Variants in SMIM22 observed in about 807,000 individuals in gnomAD.
SMIM22 encodes small integral membrane protein 22, also known as cancer associated small integral membrane open reading frame 1.
In SMIM22, 16 loss-of-function variants were observed where a neutral mutation model predicts 8.4. The ratio of observed to expected loss-of-function variants is 1.90; its 90% CI spans 1.29 to 2.89. The LOEUF (loss-of-function observed/expected upper bound fraction) is 2.89, where lower values mean the gene tolerates loss of function less well. SMIM22 is among the 30% of genes most tolerant of loss of function. The pLI, the probability that SMIM22 is intolerant of heterozygous loss-of-function variation, is 0.00. For synonymous variants in SMIM22, 67 were observed against 47.6 expected, an observed-to-expected ratio of 1.41 and a Z score of -1.68; for missense variants, 159 against 107.5, an observed-to-expected ratio of 1.48 and a Z score of -2.12.
upstream of SMIM22, chr16:4,794,935 G>A (rs555988707): frequency 1.3e-5 from 2 of 152,426 alleles, no homozygotes; most frequent in African/African-American, 4.8e-5. Flanking sequence ...TGCAAATACT[G>A]CCTCATTTTA....
intron 2 of SMIM22, among the ~76,000 whole-genome samples, chr16:4,790,330 G>A (rs984857993): frequency 5.3e-5 from 8 of 152,298 alleles, no homozygotes; most frequent in Non-Finnish European, 1.0e-4. Flanking sequence ...ACAGATGGGC[G>A]TGGCTGTGTC....
At chr16:4,792,744 G>A (rs1483951786), upstream of SMIM22, among the ~76,000 whole-genome samples, 1 of 149,950 alleles carries the variant, frequency 6.7e-6, no homozygotes, top group East Asian at 2.0e-4. Flanking sequence ...GGAGGTTGCA[G>A]TGAGCCGACA....
chr16:4,795,685 C>G, intron 1 of SMIM22, 30 bp from the exon 2 acceptor site: 1 of 1,528,984 alleles, frequency 6.5e-7, no homozygotes, highest in South Asian at 1.2e-5. Flanking sequence ...AGCCCAGGAT[C>G]CTGATGCAGC....
upstream of SMIM22, chr16:4,795,358 G>A (rs1304768814): frequency 2.0e-4 from 47 of 229,688 alleles, no homozygotes; most frequent in Admixed American, 1.9e-3. Context: ...GGGGCTGGTT[G>A]CCAAGGCCTC....
At position 4,796,068 on chromosome 16, in the gene SMIM22, G is replaced by A. The variant is rs1420969547; in HGVS notation, c.225+20G>A. On this transcript the variant is annotated intron_variant, in intron 3 of 3. Coordinates refer to ENST00000586005, the MANE Select transcript of SMIM22 (RefSeq NM_001253794.2). ...TGGAAGGTGAGCCCTGCCGGCCTCT[G>A]GGACCTGCACGGAACTGTACTGGGG... is the stretch of plus-strand genomic sequence containing the variant. 8.5e-6 allele frequency: 13 copies of A among 1,532,962 alleles called. No homozygotes were observed. In the South Asian group the frequency reaches 1.1e-4, roughly 13 times the overall value. 95.0% of individuals were successfully genotyped at this position (1,532,962 alleles called of 1,614,324 possible).
upstream of SMIM22, among the ~76,000 whole-genome samples, chr16:4,792,788 T>G (rs1425174895): frequency 8.5e-6 from 1 of 118,006 alleles, no homozygotes; most frequent in East Asian, 2.4e-4. Context: ...CCAGCCTGGG[T>G]GACAGCAAGA....
rs1467671850 is a variant in SMIM22, at chr16:4,795,719, C to T, written c.-16C>T. ...GCCTCTGGGGGACCGGGGCAGGTGG[C>T]ACGGTGCACGCCAAGATGGCTGTGT... On this transcript the variant is annotated 5_prime_UTR_variant, in exon 2 of 4. Transcript: ENST00000586005. The T allele has an allele frequency of 2.6e-5, 40 of 1,534,636 alleles. No homozygotes were observed. The highest frequency in any genetic ancestry group is 3.0e-5 in the Non-Finnish European group (34 of 1,146,488).
chr16:4,793,843 C>T (rs1596268859), upstream of SMIM22, among the ~76,000 whole-genome samples: 1 of 152,300 alleles, frequency 6.6e-6, no homozygotes, highest in African/African-American at 2.4e-5. Flanking sequence ...GTGGTGCCAT[C>T]TTGGCTCACT....
At chr16:4,791,026 G>C (rs1303124903), upstream of SMIM22, among the ~76,000 whole-genome samples, 1 of 152,212 alleles carries the variant, frequency 6.6e-6, no homozygotes, top group Non-Finnish European at 1.5e-5. Context: ...AATGGCTCTG[G>C]TGATGGTGAC....
chr16:4,795,625 C>T (rs368541330), intron 1 of SMIM22, 90 bp from the exon 2 acceptor site: 50 of 1,433,628 alleles, frequency 3.5e-5, no homozygotes, highest in East Asian at 2.7e-4. Flanking sequence ...GGGCCAGGAG[C>T]GGGCAGTGGC....
upstream of SMIM22, among the ~76,000 whole-genome samples, chr16:4,792,425 C>T (rs532167049): frequency 4.0e-5 from 6 of 149,262 alleles, no homozygotes; most frequent in Non-Finnish European, 9.0e-5. Context: ...CTCCTGACCT[C>T]GTGATCTGCC....
At chr16:4,790,402 C>T (rs184151342), upstream of SMIM22, among the ~76,000 whole-genome samples, 2 of 152,194 alleles carry the variant, frequency 1.3e-5, no homozygotes, top group African/African-American at 4.8e-5. Flanking sequence ...GAGCCCCAGG[C>T]CGACTTCTGC....
At chr16:4,791,085 A>G (rs1012454346), upstream of SMIM22, among the ~76,000 whole-genome samples, 1 of 152,244 alleles carries the variant, frequency 6.6e-6, no homozygotes, top group African/African-American at 2.4e-5. Context: ...ATGTCCCCTA[A>G]GGAAATGCGC....
intron 3 of SMIM22, 24 bp from the exon 4 acceptor site, chr16:4,796,166 G>A: frequency 6.5e-7 from 1 of 1,536,028 alleles, no homozygotes; most frequent in Non-Finnish European, 8.7e-7. Context: ...GAACCTGCTT[G>A]GTCCCGCTGT....
Position 4,796,051 on chromosome 16 carries a change from G to A in SMIM22, c.225+3G>A. ...CCAGGAAGGTGAGCCCCTGGAAGGT[G>A]AGCCCTGCCGGCCTCTGGGACCTGC... On this transcript the variant is annotated splice_donor_region_variant and intron_variant, in intron 3 of 3. Coordinates refer to ENST00000586005, the MANE Select transcript of SMIM22 (RefSeq NM_001253794.2). The A allele has an allele frequency of 6.5e-7, 1 of 1,531,452 alleles. No individual in the cohort carries two copies. The highest frequency in any genetic ancestry group is 8.7e-7 in the Non-Finnish European group (1 of 1,143,684). 94.9% of individuals were successfully genotyped at this position (1,531,452 alleles called of 1,614,324 possible). A position where few individuals can be genotyped will look rare whatever the true frequency, so the allele number is the denominator to read the frequency against.
chr16:4,796,313 C>A lies in SMIM22; in HGVS notation c.*82C>A, dbSNP rs1361749707. The stretch of plus-strand genomic sequence containing the variant: ...GTCTGCAGTGTCTTCCAGTCCCCGT[C>A]TGGGTGGGTGACGCGGGACTCGCCG... On this transcript the variant is annotated 3_prime_UTR_variant, in exon 4 of 4. Transcript: ENST00000586005. 1 of 1,491,182 alleles carries A rather than the reference C, an allele frequency of 6.7e-7. No homozygotes were observed. Among genetic ancestry groups the A allele is most frequent in the African/African-American group, 1.4e-5 (1 of 72,254 alleles). The allele number at this position is 1,491,182 out of a possible 1,614,324, so 92.4% of individuals were successfully genotyped here. A position where few individuals can be genotyped will look rare whatever the true frequency, so the allele number is the denominator to read the frequency against.
chr16:4,795,903 G>A, intron 2 of SMIM22, 45 bp downstream of exon 2: 1 of 1,531,188 alleles, frequency 6.5e-7, no homozygotes, highest in Non-Finnish European at 8.7e-7. Context: ...CCCCTGCCCT[G>A]GGCTCCAGGT....
upstream of SMIM22, among the ~76,000 whole-genome samples, chr16:4,791,262 G>A (rs1196469039): frequency 6.6e-6 from 1 of 152,172 alleles, no homozygotes; most frequent in Non-Finnish European, 1.5e-5. Flanking sequence ...CTGTCATCTG[G>A]AAGGTGCTCC....
rs567327784 is a variant in SMIM22 at position 4,795,755 on chromosome 16, G to C, written c.21G>C (p.Glu7Asp). 6.5e-6 allele frequency: 10 copies of C among 1,535,916 alleles called. No homozygotes were observed. In the Admixed American group the frequency reaches 1.8e-4, roughly 27 times the overall value. Residue 7 changes from glutamate (E) to aspartate (D), a missense_variant, in exon 2 of 4, where the codon GAG becomes GAC. Coordinates refer to ENST00000586005, the MANE Select transcript of SMIM22 (RefSeq NM_001253794.2). The part of the protein sequence containing the change: MAVSTE[E>D]LEATVQEVLG... ...CCAAGATGGCTGTGTCCACAGAGGAGCTGGAGGCCACGGTTCAGGAAGTCC... is the reference window on the plus strand; with the variant it reads ...CCAAGATGGCTGTGTCCACAGAGGACCTGGAGGCCACGGTTCAGGAAGTCC...
Sources: gnomAD v4.1 joint callset for allele counts (sites outside exome capture counted in the v4.1 genomes callset) on GRCh38, gnomAD v4.1.1 for gene constraint, MANE v1.5 for transcripts, NCBI Gene and HGNC (gene_info 2026-07-23, HGNC 2026-07-21) for gene names.